The following PARD3B variants were observed in gnomAD, a reference collection of about 807,000 sequenced individuals.
PARD3B encodes the protein par-3 family cell polarity regulator beta.
A neutral mutation model predicts 130.2 loss-of-function variants in PARD3B; 103 were observed. The ratio of observed to expected loss-of-function variants is 0.79; its 90% CI spans 0.67 to 0.93. The LOEUF (loss-of-function observed/expected upper bound fraction) is 0.93. PARD3B is among the 40% of genes least tolerant of loss of function. PARD3B has a pLI of 0.00. For missense variants in PARD3B, 1,609 were observed against 1,499.2 expected (o/e 1.07, Z -1.21); for synonymous variants, 583 against 553.2 (o/e 1.05, Z -0.76).
intron 22 of PARD3B, among the ~76,000 whole-genome samples, chr2:205,569,539 G>A (rs917402449): frequency 6.6e-6 from 1 of 152,110 alleles, no homozygotes; most frequent in African/African-American, 2.4e-5. Flanking sequence ...ATAGTTTCAA[G>A]CAATATCAAC....
chr2:204,828,740 A>G (rs1164363405), intron 2 of PARD3B, among the ~76,000 whole-genome samples: 1 of 152,072 alleles, frequency 6.6e-6, no homozygotes, highest in Non-Finnish European at 1.5e-5. Context: ...TTATTTCTTG[A>G]TTCAATCTCT....
chr2:205,040,841 C>A (rs1698346773), intron 3 of PARD3B, among the ~76,000 whole-genome samples: 1 of 151,792 alleles, frequency 6.6e-6, no homozygotes, highest in Non-Finnish European at 1.5e-5. Context: ...AACTGTCCAA[C>A]TGTTTTGGTA....
In PARD3B at chr2:205,241,734, G is replaced by A. The variant is rs1324085584; in HGVS notation, c.2141-4044G>A. 3.9e-5 allele frequency among the ~76,000 whole-genome samples: 6 copies of A among 152,050 alleles called. No homozygotes were observed. Among genetic ancestry groups the A allele is most frequent in the Admixed American group, 2.6e-4 (4 of 15,280 alleles). ...GAATCAAAGACCTTTCCCACACCAG[G>A]CCCATTTATTTTTCAATCTCTTGTA... On this transcript the variant is annotated intron_variant, in intron 15 of 22. Transcript: ENST00000406610. This position sits in a 1 kb window ranked among gnomAD's most constrained non-coding sequence, Gnocchi z 4.2.
chr2:204,730,187 G>T (rs1392881114), intron 2 of PARD3B, among the ~76,000 whole-genome samples: 1 of 151,992 alleles, frequency 6.6e-6, no homozygotes, highest in African/African-American at 2.4e-5. Context: ...CGATTTTCCT[G>T]CATCAGCCTC....
chr2:204,720,386 G>T (rs1340072498), intron 2 of PARD3B, among the ~76,000 whole-genome samples: 1 of 152,098 alleles, frequency 6.6e-6, no homozygotes, highest in Non-Finnish European at 1.5e-5. Flanking sequence ...CATGGTTTGG[G>T]TCTTTTAAAA....
At chr2:204,962,384 C>A (rs1044408087) in intron 2 of PARD3B, among the ~76,000 whole-genome samples, 2 of 152,200 alleles carry the variant, frequency 1.3e-5, no homozygotes, top group South Asian at 4.2e-4. Flanking sequence ...GCATGCCATA[C>A]AAGTTTACTC....
At chr2:204,852,536 G>A (rs1384066830) in intron 2 of PARD3B, among the ~76,000 whole-genome samples, 1 of 150,376 alleles carries the variant, frequency 6.6e-6, no homozygotes, top group Non-Finnish European at 1.5e-5. Flanking sequence ...ATTTTGAATT[G>A]ATATTTAAAT....
In PARD3B at chr2:204,928,078, C is replaced by T. The variant is rs554501155; in HGVS notation, c.223-37074C>T. Among the ~76,000 whole-genome samples the T allele has an allele frequency of 2.0e-5, 3 of 152,154 alleles. No homozygotes were observed. The East Asian group carries it at 5.8e-4, about 29-fold the overall frequency. On this transcript the variant is annotated intron_variant, in intron 2 of 22. Transcript: ENST00000406610. ...GTTTTGGCTGGGTTTACTCATGTAT[C>T]TTTGGGTAGTTTTAGGTCAATTAGG...
intron 2 of PARD3B, among the ~76,000 whole-genome samples, chr2:204,883,970 C>G (rs970422110): frequency 6.6e-6 from 1 of 151,884 alleles, no homozygotes; most frequent in Non-Finnish European, 1.5e-5. Flanking sequence ...AACTCCTGAC[C>G]TGGTGATCCA....
chr2:205,219,595 G>T (rs925085286), intron 15 of PARD3B, among the ~76,000 whole-genome samples: 1 of 102,800 alleles, frequency 9.7e-6, no homozygotes, highest in Non-Finnish European at 2.1e-5. Context: ...TTGTAGCCAA[G>T]AACAAAGCAG....
intron 3 of PARD3B, among the ~76,000 whole-genome samples, chr2:204,997,227 G>T (rs1219274571): frequency 6.6e-6 from 1 of 152,138 alleles, no homozygotes; most frequent in African/African-American, 2.4e-5. Context: ...GCTGTTCTTG[G>T]CCCTTTGTTC....
chr2:205,422,937 A>G (rs939239913), intron 19 of PARD3B, among the ~76,000 whole-genome samples: 4 of 152,274 alleles, frequency 2.6e-5, no homozygotes, highest in Non-Finnish European at 2.9e-5. Context: ...AAACATCCTC[A>G]TTGTAGTTCT....
chr2:205,273,273 T>C (rs1238748621), intron 16 of PARD3B, among the ~76,000 whole-genome samples: 2 of 152,230 alleles, frequency 1.3e-5, no homozygotes, highest in African/African-American at 4.8e-5. Context: ...AAAGGGTGAA[T>C]GCCCTGAATT....
At chr2:204,563,214 GCTGTCTCTCTCT>G (rs1406638044) in intron 1 of PARD3B, among the ~76,000 whole-genome samples, 9 of 55,022 alleles carry the variant, frequency 1.6e-4, no homozygotes, top group African/African-American at 4.6e-4. Flanking sequence ...CCGTCTTCCC[GCTGTCTCTCTCT>G]CTCTCTCTCT....
At chr2:205,386,766 G>T (rs1239007171) in intron 18 of PARD3B, among the ~76,000 whole-genome samples, 1 of 151,708 alleles carries the variant, frequency 6.6e-6, no homozygotes, top group Non-Finnish European at 1.5e-5. Flanking sequence ...GAGTTGAGGG[G>T]TTCAGGTCCC....
At chr2:204,871,497 A>G (rs1346022627) in intron 2 of PARD3B, among the ~76,000 whole-genome samples, 2 of 145,174 alleles carry the variant, frequency 1.4e-5, no homozygotes, top group South Asian at 2.1e-4. Flanking sequence ...CAATGGGGGG[A>G]AAAAAGTTCA....
chr2:204,779,663 G>C (rs1259212274), intron 2 of PARD3B, among the ~76,000 whole-genome samples: 1 of 152,096 alleles, frequency 6.6e-6, no homozygotes, highest in South Asian at 2.1e-4. Flanking sequence ...AATAACCAGG[G>C]CTTCATCATT....
chr2:205,512,938 G>A (rs1384273656), intron 21 of PARD3B, among the ~76,000 whole-genome samples: 1 of 41,806 alleles, frequency 2.4e-5, no homozygotes, highest in Non-Finnish European at 6.6e-5. Flanking sequence ...TTGTTTCTCA[G>A]TAGCAAATTT....
chr2:205,474,460 A>G (rs535082619), intron 20 of PARD3B, among the ~76,000 whole-genome samples: 7 of 152,240 alleles, frequency 4.6e-5, no homozygotes, highest in African/African-American at 1.7e-4. Flanking sequence ...GCCTTTTTAC[A>G]ATGATACTGT....
Sources: allele counts gnomAD v4.1 joint callset (sites outside exome capture counted in the v4.1 genomes callset), GRCh38; gene constraint gnomAD v4.1.1; non-coding constraint Gnocchi (gnomAD v3.1); transcripts MANE v1.5; gene names NCBI Gene and HGNC (gene_info 2026-07-23, HGNC 2026-07-21).